VPS13C: variants seen among roughly 807,000 people sequenced by gnomAD.
VPS13C encodes vacuolar protein sorting 13 homolog C, also known as intermembrane lipid transfer protein VPS13C.
VPS13C carries 358 observed loss-of-function variants against 456.8 expected under a neutral mutation model. The observed-to-expected ratio is 0.78, with a 90% CI of 0.72 to 0.86. The LOEUF (loss-of-function observed/expected upper bound fraction) is 0.86, where lower values mean the gene tolerates loss of function less well. VPS13C is among the 40% of genes least tolerant of loss of function. VPS13C has a pLI of 0.00. For missense variants in VPS13C, 4,818 were observed against 4,385.4 expected (o/e 1.10, Z -2.79); for synonymous variants, 1,578 against 1,486.7 (o/e 1.06, Z -1.41).
intron 24 of VPS13C, among the ~76,000 whole-genome samples, 194 bp downstream of exon 24, chr15:61,976,888 C>A (rs1212822668): frequency 6.6e-6 from 1 of 151,892 alleles, no homozygotes; most frequent in Non-Finnish European, 1.5e-5. Flanking sequence ...TGTAAAAGTC[C>A]AAATATTTCT....
At chr15:61,967,320 AAT>A in intron 29 of VPS13C, 46 bp downstream of exon 29, 1 of 1,473,026 alleles carries the variant, frequency 6.8e-7, no homozygotes, top group Non-Finnish European at 9.4e-7. Context: ...CTTCCAGAGA[AAT>A]AGTTTGGAGT....
chr15:61,873,750 A>G (rs1189658125), intron 77 of VPS13C, among the ~76,000 whole-genome samples: 1 of 152,114 alleles, frequency 6.6e-6, no homozygotes, highest in Non-Finnish European at 1.5e-5. Flanking sequence ...GCTATTATGG[A>G]AAACAGTATG....
chr15:62,057,760 G>A (rs990993624), intron 1 of VPS13C, among the ~76,000 whole-genome samples: 1 of 152,082 alleles, frequency 6.6e-6, no homozygotes. Flanking sequence ...AGACAAAAGG[G>A]GAAATAACAT....
At chr15:62,044,998 T>C (rs971888822) in intron 1 of VPS13C, among the ~76,000 whole-genome samples, 6 of 152,182 alleles carry the variant, frequency 3.9e-5, no homozygotes, top group Non-Finnish European at 1.5e-5. Context: ...ATGACACATA[T>C]ATTTTTTAAA....
At chr15:61,864,580 AG>A (rs1894411852) in intron 81 of VPS13C, 1 of 964,874 alleles carries the variant, frequency 1.0e-6, no homozygotes. Context: ...CCACAAGCAG[AG>A]AAATCACATT....
intron 49 of VPS13C, among the ~76,000 whole-genome samples, chr15:61,932,178 G>A (rs576738076): frequency 9.9e-4 from 151 of 152,304 alleles, no homozygotes; most frequent in Non-Finnish European, 1.8e-3. Context: ...CAGAGAGGTT[G>A]AAGAGATCAT....
intron 18 of VPS13C, among the ~76,000 whole-genome samples, chr15:61,986,012 T>G (rs1394284736): frequency 6.6e-6 from 1 of 151,762 alleles, no homozygotes; most frequent in Non-Finnish European, 1.5e-5. Context: ...GCAGGCAGAC[T>G]CCCATGATCT....
chr15:61,904,127 A>G (rs2043085609), intron 66 of VPS13C, among the ~76,000 whole-genome samples: 1 of 152,148 alleles, frequency 6.6e-6, no homozygotes, highest in Non-Finnish European at 1.5e-5. Context: ...GAAAACAAAC[A>G]TATAGGATTA....
chr15:61,890,140 A>G (rs2042605706), intron 67 of VPS13C, 25 bp downstream of exon 67: 8 of 1,608,598 alleles, frequency 5.0e-6, no homozygotes, highest in Non-Finnish European at 6.8e-6. Flanking sequence ...AAGGTTTAGG[A>G]TGTCTTATTT....
At chr15:62,026,213 T>G (rs1037344992) in intron 6 of VPS13C, among the ~76,000 whole-genome samples, 2 of 151,650 alleles carry the variant, frequency 1.3e-5, no homozygotes, top group African/African-American at 2.4e-5. Flanking sequence ...TCATGGAATC[T>G]GAAACCCTAT....
chr15:61,978,025 AT>A (rs1418472932), intron 23 of VPS13C, among the ~76,000 whole-genome samples: 2 of 152,054 alleles, frequency 1.3e-5, no homozygotes, highest in African/African-American at 4.8e-5. Flanking sequence ...ATTAATAAAT[AT>A]GTATTGCTTC....
At chr15:61,893,938 A>C (rs561653289) in intron 66 of VPS13C, among the ~76,000 whole-genome samples, 24 of 152,140 alleles carry the variant, frequency 1.6e-4, no homozygotes, top group African/African-American at 5.8e-4. Context: ...AACTAAAAAC[A>C]TACTGTCAGA....
chr15:62,042,813 G>A (rs886500691), intron 2 of VPS13C, among the ~76,000 whole-genome samples: 1 of 151,894 alleles, frequency 6.6e-6, no homozygotes, highest in East Asian at 1.9e-4. Flanking sequence ...TATACCTAAT[G>A]TAAATGACAA....
At position 61,910,159 on chromosome 15, in the gene VPS13C, T is replaced by C; in HGVS notation, c.8844+18A>G. The C allele has an allele frequency of 8.0e-7, 1 of 1,246,838 alleles. No individual in the cohort carries two copies. Among genetic ancestry groups the C allele is most frequent in the East Asian group, 3.5e-5 (1 of 28,652 alleles). 77.2% of individuals were successfully genotyped at this position (1,246,838 alleles called of 1,614,324 possible). ...TAAATAAATAAAAATAAAAATAAAA[T>C]AAAATATGAAAACTTACCAGATCTT... On this transcript the variant is annotated intron_variant, in intron 64 of 84. Transcript: ENST00000644861.
chr15:61,996,178 A>G (rs1358272693), intron 16 of VPS13C, among the ~76,000 whole-genome samples: 1 of 152,198 alleles, frequency 6.6e-6, no homozygotes. Context: ...AACCCAAACC[A>G]AAGTAGCAAA....
intron 66 of VPS13C, among the ~76,000 whole-genome samples, chr15:61,895,863 A>G (rs1010391217): frequency 6.6e-6 from 1 of 152,164 alleles, no homozygotes; most frequent in Admixed American, 6.5e-5. Context: ...AATTACAGCA[A>G]GATAGGAGGA....
chr15:61,984,080 A>G (rs1206649221), intron 19 of VPS13C, 68 bp from the exon 20 acceptor site: 1 of 1,466,798 alleles, frequency 6.8e-7, no homozygotes, highest in East Asian at 2.3e-5. Context: ...ACTAAAATAC[A>G]AATTTCCTTT....
intron 52 of VPS13C, among the ~76,000 whole-genome samples, chr15:61,926,148 C>T (rs1169536893): frequency 6.6e-6 from 1 of 152,114 alleles, no homozygotes; most frequent in Non-Finnish European, 1.5e-5. Flanking sequence ...CCTATAATCC[C>T]GGCACTTTTG....
At chr15:61,897,901 C>A (rs576336039) in intron 66 of VPS13C, among the ~76,000 whole-genome samples, 1 of 152,176 alleles carries the variant, frequency 6.6e-6, no homozygotes, top group East Asian at 1.9e-4. Context: ...AACAGCGGAT[C>A]GCTCGGCAGA....
Sources: allele counts gnomAD v4.1 joint callset (sites outside exome capture counted in the v4.1 genomes callset), GRCh38; gene constraint gnomAD v4.1.1; transcripts MANE v1.5; gene names NCBI Gene and HGNC (gene_info 2026-07-23, HGNC 2026-07-21).